Variants in MECR observed in about 807,000 individuals in gnomAD.
The protein encoded by MECR is mitochondrial trans-2-enoyl-CoA reductase.
MECR carries 37 observed loss-of-function variants against 49.1 expected under a neutral mutation model. That is an observed-to-expected ratio of 0.75 (90% CI 0.58 to 0.99). MECR has a LOEUF of 0.99. Ranked by LOEUF, MECR falls within the 50% of genes least tolerant of loss-of-function variation. MECR has a pLI of 0.00. For missense variants in MECR, 470 were observed against 479.6 expected (o/e 0.98, Z 0.19); for synonymous variants, 198 against 191.1 (o/e 1.04, Z -0.30).
intron 1 of MECR, among the ~76,000 whole-genome samples, chr1:29,221,423 G>A (rs550637078): frequency 5.1e-4 from 77 of 152,262 alleles, no homozygotes; most frequent in African/African-American, 1.8e-3. Flanking sequence ...TTTACAGGGC[G>A]GATGGAGAAA....
intron 5 of MECR, 50 bp downstream of exon 5, chr1:29,203,081 T>C (rs1244259559): frequency 2.1e-6 from 3 of 1,451,094 alleles, no homozygotes; most frequent in Non-Finnish European, 2.8e-6. Flanking sequence ...GGATGGGAGG[T>C]GGGAAAGACC....
At chr1:29,175,694 CAAAAA>C in the MECR span, among the ~76,000 whole-genome samples, 31 of 38,588 alleles carry the variant, frequency 8.0e-4, no homozygotes, top group East Asian at 0.012. Context: ...GACGCTGTCT[CAAAAA>C]AAAAAAAAAA....
rs1683258297 is a variant in MECR, at chr1:29,230,864, G to T, written c.43C>A (p.Arg15=). ...STLWRVRTPA[R]QWRGLLPASG... is the part of the protein sequence containing the mutation. ...GCTGGGAGCAGCCCCCGCCACTGCC[G>T]GGCGGGGGTTCGCACCCGCCACAGG... Residue 15 remains arginine (R), a synonymous_variant, in exon 1 of 10, where the codon CGG becomes AGG. Transcript: ENST00000263702. The T allele has an allele frequency of 4.4e-6, 7 of 1,607,810 alleles. No individual in the cohort carries two copies. Among genetic ancestry groups the T allele is most frequent in the Non-Finnish European group, 5.9e-6 (7 of 1,179,246 alleles).
chr1:29,175,924 G>A, the MECR span, among the ~76,000 whole-genome samples: 1 of 151,904 alleles, frequency 6.6e-6, no homozygotes, highest in Non-Finnish European at 1.5e-5. Flanking sequence ...CAGTGCAAAT[G>A]GGATGCTATT....
chr1:29,230,088 C>T (rs1197097051), intron 1 of MECR, among the ~76,000 whole-genome samples: 1 of 152,180 alleles, frequency 6.6e-6, no homozygotes, highest in Non-Finnish European at 1.5e-5. Context: ...AGCCAAGATG[C>T]ATATACGGTG....
chr1:29,181,460 C>G, the MECR span, among the ~76,000 whole-genome samples: 1 of 152,200 alleles, frequency 6.6e-6, no homozygotes, highest in Non-Finnish European at 1.5e-5. Flanking sequence ...TCCACCACCC[C>G]CACCCGCGCA....
the MECR span, among the ~76,000 whole-genome samples, chr1:29,184,915 A>G: frequency 6.6e-6 from 1 of 152,170 alleles, no homozygotes; most frequent in Non-Finnish European, 1.5e-5. Flanking sequence ...ACCTGAGGCC[A>G]GGAGTTCGAG....
rs2503016 is a variant in MECR at position 29,200,633 on chromosome 1, C to T, written c.757-44G>A. ...GCAGTGAGGGAGCATCCCCGCTCTA[C>T]ATATGGGGTCTGAAGCTTGCCCAAG... On this transcript the variant is annotated intron_variant, in intron 6 of 9. Coordinates refer to ENST00000263702, the MANE Select transcript of MECR (RefSeq NM_016011.5). 112,405 of 1,562,836 alleles carry T rather than the reference C, an allele frequency of 0.072. 4,926 individuals carry two copies. The highest frequency in any genetic ancestry group is 0.2 in the African/African-American group (14,439 of 73,964).
At position 29,196,251 on chromosome 1, in the gene MECR, C is replaced by T. The variant is rs183136314; in HGVS notation, c.838G>A (p.Gly280Arg). ...ATCCCCCCATAGGTTACCATGGTTC[C>T]TCCACGCCTGAAAAGTCCAAAGAGA... ...TELLRQLARG[G>R]TMVTYGGMAK... The change falls in exon 8 of 10, where the codon GGA (glycine) becomes AGA (arginine). Residue 280 changes from glycine (G) to arginine (R), a missense_variant. Gly to Arg is a moderately radical substitution (Grantham distance 125). Transcript: ENST00000263702. The T allele has an allele frequency of 1.6e-5, 26 of 1,612,320 alleles. No individual in the cohort carries two copies. The African/African-American group carries it at 2.8e-4, about 17-fold the overall frequency.
intron 3 of MECR, among the ~76,000 whole-genome samples, chr1:29,209,823 T>C (rs1677517626): frequency 6.6e-6 from 1 of 152,150 alleles, no homozygotes; most frequent in Non-Finnish European, 1.5e-5. Context: ...GCCCTTGGCC[T>C]ATGCTTCCAA....
At chr1:29,182,151 C>T in the MECR span, among the ~76,000 whole-genome samples, 2 of 152,242 alleles carry the variant, frequency 1.3e-5, no homozygotes, top group African/African-American at 4.8e-5. Context: ...GTGTCCGCAC[C>T]TCCTAGAGCC....
chr1:29,200,364 T>C (rs1675016412), intron 7 of MECR, 152 bp downstream of exon 7: 2 of 650,360 alleles, frequency 3.1e-6, no homozygotes, highest in African/African-American at 1.8e-5. Context: ...AGTGCCCAAA[T>C]AGCTGGATGA....
At chr1:29,178,713 C>G in the MECR span, among the ~76,000 whole-genome samples, 1 of 152,158 alleles carries the variant, frequency 6.6e-6, no homozygotes. Flanking sequence ...TAGGGAGATC[C>G]ACTGCCCTTC....
chr1:29,183,899 A>G, the MECR span, among the ~76,000 whole-genome samples: 1 of 93,194 alleles, frequency 1.1e-5, no homozygotes, highest in Admixed American at 1.4e-4. Context: ...TTTTTTTTTG[A>G]GACTGAGTCT....
rs1444041230 is a variant in MECR, at chr1:29,194,228, G to C, written c.965-49C>G. The C allele has an allele frequency of 1.9e-6, 3 of 1,554,100 alleles. No individual in the cohort carries two copies. The East Asian group carries it at 6.7e-5, about 35-fold the overall frequency. On this transcript the variant is annotated intron_variant, in intron 9 of 9. Coordinates refer to ENST00000263702, the MANE Select transcript of MECR (RefSeq NM_016011.5). ...GACAAGAGAACAGCAGCTGGGGCTT[G>C]GTGAGATGTGGCACGGGGCTGCCCT...
chr1:29,223,402 GAT>G (rs1327850940), intron 1 of MECR: 4 of 447,170 alleles, frequency 8.9e-6, no homozygotes, highest in African/African-American at 8.6e-5. Flanking sequence ...GCTCTGCTGA[GAT>G]ATCTTTCCTG....
intron 1 of MECR, chr1:29,220,798 AATGAGTTAATGTAT>A (rs1680590686): frequency 1.8e-6 from 1 of 545,048 alleles, no homozygotes; most frequent in African/African-American, 2.1e-5. Flanking sequence ...CACGGGATTA[AATGAGTTAATGTAT>A]GTAAAGCATT....
intron 1 of MECR, among the ~76,000 whole-genome samples, chr1:29,229,660 T>C (rs1682969755): frequency 6.6e-6 from 1 of 152,200 alleles, no homozygotes; most frequent in Non-Finnish European, 1.5e-5. Context: ...TCTTAGGTGA[T>C]TACCACTATG....
chr1:29,216,859 G>C, intron 1 of MECR, 174 bp from the exon 2 acceptor site: 2 of 1,401,678 alleles, frequency 1.4e-6, no homozygotes, highest in South Asian at 2.9e-5. Context: ...AGGAGGCTGG[G>C]CGTGGTGGCT....
Sources: gnomAD v4.1 joint callset for allele counts (sites outside exome capture counted in the v4.1 genomes callset) on GRCh38, gnomAD v4.1.1 for gene constraint, MANE v1.5 for transcripts, NCBI Gene and HGNC (gene_info 2026-07-23, HGNC 2026-07-21) for gene names.